FHIT: variants seen among roughly 807,000 people sequenced by gnomAD.
FHIT encodes fragile histidine triad diadenosine triphosphatase.
A neutral mutation model predicts 17.9 loss-of-function variants in FHIT; 19 were observed. The ratio of observed to expected loss-of-function variants is 1.06; its 90% CI spans 0.74 to 1.56. The LOEUF (loss-of-function observed/expected upper bound fraction) is 1.56. Ranked by LOEUF, FHIT falls within the 40% of genes most tolerant of loss-of-function variation. The pLI, the probability that FHIT is intolerant of heterozygous loss-of-function variation, is 0.00. For synonymous variants in FHIT, 81 were observed against 69.7 expected (o/e 1.16, Z -0.81); for missense variants, 248 against 189.2 (o/e 1.31, Z -1.82).
Position 60,966,711 on chromosome 3 carries a change from C to CT in FHIT, c.-111+75335dup, listed in dbSNP as rs570359717. Reference sequence around the variant, plus strand: ...ATGGATTGGAAGGAGACAATAATGGCTGCAAGGGTATCAATTAAGAGGCTA... The same window carrying CT: ...ATGGATTGGAAGGAGACAATAATGGCTTGCAAGGGTATCAATTAAGAGGCTA... On this transcript the variant is annotated intron_variant, in intron 3 of 9. Coordinates refer to ENST00000492590, the MANE Select transcript of FHIT (RefSeq NM_002012.4). Among the ~76,000 whole-genome samples, 389 of 152,274 alleles carry CT rather than the reference C, an allele frequency of 2.6e-3. 2 individuals carry two copies. Among genetic ancestry groups the CT allele is most frequent in the Non-Finnish European group, 4.8e-3 (325 of 68,016 alleles).
chr3:60,819,541 A>G (rs1701855547), intron 4 of FHIT, among the ~76,000 whole-genome samples: 1 of 152,198 alleles, frequency 6.6e-6, no homozygotes, highest in Admixed American at 6.5e-5. Flanking sequence ...CACGAGAAAC[A>G]GAATACTGAA....
intron 5 of FHIT, among the ~76,000 whole-genome samples, chr3:60,409,501 T>G (rs1701990146): frequency 1.3e-5 from 2 of 152,194 alleles, no homozygotes; most frequent in African/African-American, 4.8e-5. Context: ...GGACTCTGGA[T>G]ATTTATAGCT....
chr3:60,320,429 T>A (rs1425726951), intron 5 of FHIT, among the ~76,000 whole-genome samples: 1 of 152,088 alleles, frequency 6.6e-6, no homozygotes, highest in Non-Finnish European at 1.5e-5. Flanking sequence ...AATGGCTAAC[T>A]GGAGAGGAAA....
intron 5 of FHIT, among the ~76,000 whole-genome samples, chr3:60,365,871 A>G (rs1700086342): frequency 6.6e-6 from 1 of 152,182 alleles, no homozygotes; most frequent in Admixed American, 6.5e-5. Flanking sequence ...ATACGTAACA[A>G]CAAAATATAC....
intron 5 of FHIT, among the ~76,000 whole-genome samples, chr3:60,462,418 A>G (rs754151086): frequency 6.6e-6 from 1 of 152,118 alleles, no homozygotes; most frequent in Non-Finnish European, 1.5e-5. Context: ...CTCCTCTCCC[A>G]AACACTGTAA....
At chr3:60,424,087 T>C (rs952295419) in intron 5 of FHIT, among the ~76,000 whole-genome samples, 2 of 152,168 alleles carry the variant, frequency 1.3e-5, no homozygotes, top group African/African-American at 4.8e-5. Flanking sequence ...TTTGAAAACA[T>C]TAACTCCTTT....
At chr3:59,866,193 GT>G (rs374986769) in intron 8 of FHIT, among the ~76,000 whole-genome samples, 1 of 152,064 alleles carries the variant, frequency 6.6e-6, no homozygotes, top group Non-Finnish European at 1.5e-5. Flanking sequence ...CTGGGGTTTG[GT>G]GGGGAATCTG....
At chr3:60,667,021 ATTTTTTTTTTT>A (rs56071877) in intron 4 of FHIT, among the ~76,000 whole-genome samples, 3 of 34,100 alleles carry the variant, frequency 8.8e-5, no homozygotes, top group Non-Finnish European at 1.1e-4. Flanking sequence ...TGCCTGGTTA[ATTTTTTTTTTT>A]TTTTTTTTTT....
At chr3:60,672,909 A>G (rs1627398) in intron 4 of FHIT, among the ~76,000 whole-genome samples, 124,593 of 145,568 alleles carry the variant, frequency 0.86, 53,021 homozygotes, top group Non-Finnish European at 0.9. Flanking sequence ...GTGTGTGTGC[A>G]TGCATGCTCT....
chr3:60,864,143 G>C (rs1446092865), intron 3 of FHIT, among the ~76,000 whole-genome samples: 1 of 152,122 alleles, frequency 6.6e-6, no homozygotes, highest in Admixed American at 6.6e-5. Context: ...CACGAGAACA[G>C]CATGGGAAAA....
At chr3:60,758,983 G>A (rs534549642) in intron 4 of FHIT, among the ~76,000 whole-genome samples, 13 of 152,216 alleles carry the variant, frequency 8.5e-5, no homozygotes, top group African/African-American at 2.9e-4. Flanking sequence ...AAGCTACGGC[G>A]ATGTCCAGGG....
chr3:59,806,543 G>A (rs1233938532), intron 8 of FHIT, among the ~76,000 whole-genome samples: 9 of 151,986 alleles, frequency 5.9e-5, no homozygotes, highest in Admixed American at 5.9e-4. Flanking sequence ...AATTTTGCCT[G>A]CTTGACTCTC....
chr3:59,876,442 A>C (rs1575627053), intron 8 of FHIT, among the ~76,000 whole-genome samples: 2 of 50,366 alleles, frequency 4.0e-5, no homozygotes, highest in Admixed American at 4.6e-4. Context: ...GCAGGGAGGG[A>C]GTGTGGGAGC....
At chr3:61,208,182 G>A (rs1192667365) in intron 1 of FHIT, among the ~76,000 whole-genome samples, 1 of 152,058 alleles carries the variant, frequency 6.6e-6, no homozygotes, top group Non-Finnish European at 1.5e-5. Flanking sequence ...CTGAGAGACA[G>A]TTTCTTCTAA....
chr3:60,437,401 T>A (rs1349952675), intron 5 of FHIT, among the ~76,000 whole-genome samples: 1 of 152,130 alleles, frequency 6.6e-6, no homozygotes, highest in Non-Finnish European at 1.5e-5. Context: ...GGCCTTCCTG[T>A]CAGGCACTTA....
chr3:61,205,496 A>T (rs948211659), intron 1 of FHIT, among the ~76,000 whole-genome samples: 6 of 152,186 alleles, frequency 3.9e-5, no homozygotes, highest in East Asian at 1.9e-4. Context: ...GTTTCCTGAC[A>T]TTTTAATGAT....
At chr3:60,062,752 T>G (rs1222532312) in intron 5 of FHIT, among the ~76,000 whole-genome samples, 1 of 152,036 alleles carries the variant, frequency 6.6e-6, no homozygotes, top group African/African-American at 2.4e-5. Context: ...GATGAAATTA[T>G]AATGGATATG....
chr3:59,976,427 C>A (rs563427080), intron 7 of FHIT, among the ~76,000 whole-genome samples: 44 of 151,950 alleles, frequency 2.9e-4, no homozygotes, highest in Admixed American at 5.9e-4. Context: ...ACAAATAACA[C>A]CTCAAATAAT....
At chr3:60,631,019 A>T (rs1449071662) in intron 4 of FHIT, among the ~76,000 whole-genome samples, 3 of 151,696 alleles carry the variant, frequency 2.0e-5, no homozygotes, top group Non-Finnish European at 4.4e-5. Flanking sequence ...CAGCTTTGAG[A>T]CACCTGGCCA....
Sources: allele counts gnomAD v4.1 joint callset (sites outside exome capture counted in the v4.1 genomes callset), GRCh38; gene constraint gnomAD v4.1.1; transcripts MANE v1.5; gene names NCBI Gene and HGNC (gene_info 2026-07-23, HGNC 2026-07-21).